Variants in PPHLN1 observed in about 807,000 individuals in gnomAD.
PPHLN1 encodes periphilin 1.
A neutral mutation model predicts 51.3 loss-of-function variants in PPHLN1; 29 were observed. The ratio of observed to expected loss-of-function variants is 0.57; its 90% confidence interval spans 0.42 to 0.77. The LOEUF (loss-of-function observed/expected upper bound fraction) is 0.77, where lower values mean the gene tolerates loss of function less well. Among genes scored for constraint, PPHLN1 ranks in the 30% least tolerant of loss-of-function variants. The pLI is 0.00. For missense variants in PPHLN1, 436 were observed against 438.4 expected, an observed-to-expected ratio of 0.99 and a Z score of 0.05; for synonymous variants, 147 against 147.8, an observed-to-expected ratio of 0.99 and a Z score of 0.04.
chr12:42,342,727 T>C (rs1322008146), intron 2 of PPHLN1, among the ~76,000 whole-genome samples: 3 of 152,220 alleles, frequency 2.0e-5, no homozygotes, highest in African/African-American at 7.2e-5. Context: ...AAATACATTA[T>C]TTTGCATTAA....
At chr12:42,336,353 G>T (rs2070665632) in intron 2 of PPHLN1, among the ~76,000 whole-genome samples, 2 of 151,990 alleles carry the variant, frequency 1.3e-5, no homozygotes, top group African/African-American at 2.4e-5. Context: ...GTTACAAATT[G>T]AATATATGAA....
intron 9 of PPHLN1, chr12:42,433,249 C>T (rs1409497438): frequency 7.0e-6 from 5 of 717,622 alleles, no homozygotes; most frequent in Non-Finnish European, 1.3e-5. Context: ...ACTTCATCTC[C>T]TTCACTAATT....
rs570478049 is a variant in PPHLN1, at chr12:42,407,259, T to C, written c.909+8265T>C. Among the ~76,000 whole-genome samples, 10 of 152,320 alleles carry C rather than the reference T, an allele frequency of 6.6e-5. No homozygotes were observed. The South Asian group carries it at 1.4e-3, about 22-fold the overall frequency. On this transcript the variant is annotated intron_variant, in intron 9 of 9. Transcript: ENST00000358314. ...CCTGTTGAGATCCTGGCTCAGGATATCTCAAGAAGTTGTAGTTCAGCTGGC... is the reference window on the plus strand; with the variant it reads ...CCTGTTGAGATCCTGGCTCAGGATACCTCAAGAAGTTGTAGTTCAGCTGGC...
At chr12:42,392,255 C>T (rs2077793035) in intron 7 of PPHLN1, among the ~76,000 whole-genome samples, 1 of 152,136 alleles carries the variant, frequency 6.6e-6, no homozygotes, top group Non-Finnish European at 1.5e-5. Flanking sequence ...TAAGTCCCAG[C>T]TCAGCATTTA....
chr12:42,347,753 C>G (rs2072581871), intron 2 of PPHLN1, among the ~76,000 whole-genome samples: 1 of 152,178 alleles, frequency 6.6e-6, no homozygotes, highest in African/African-American at 2.4e-5. Flanking sequence ...GCACTGTAGC[C>G]TGTGCCGCAG....
At chr12:42,380,698 C>G (rs557619153) in intron 5 of PPHLN1, among the ~76,000 whole-genome samples, 1 of 152,092 alleles carries the variant, frequency 6.6e-6, no homozygotes, top group African/African-American at 2.4e-5. Context: ...AAATTTAGTT[C>G]TGCTTTTAGG....
At chr12:42,405,829 C>G (rs1421538590) in intron 9 of PPHLN1, among the ~76,000 whole-genome samples, 9 of 152,054 alleles carry the variant, frequency 5.9e-5, no homozygotes, top group Admixed American at 5.9e-4. Context: ...ATGCTAAACT[C>G]TGCTATGTTT....
intron 9 of PPHLN1, among the ~76,000 whole-genome samples, chr12:42,439,340 A>G (rs548226430): frequency 1.3e-5 from 2 of 152,358 alleles, no homozygotes; most frequent in East Asian, 3.9e-4. Flanking sequence ...GTTGAAGACT[A>G]TCTTTTCTCC....
At chr12:42,442,411 C>A (rs923026468), downstream of PPHLN1, among the ~76,000 whole-genome samples, 2 of 152,162 alleles carry the variant, frequency 1.3e-5, no homozygotes, top group African/African-American at 4.8e-5. Context: ...GAAACCAACC[C>A]TTGATCAGTG....
chr12:42,399,752 GC>G (rs1376764803), intron 9 of PPHLN1: 2 of 152,222 alleles, frequency 1.3e-5, no homozygotes, highest in Non-Finnish European at 2.9e-5. Context: ...TGACCGTGTA[GC>G]TTATGTTAAT....
chr12:42,446,133 A>G, downstream of PPHLN1: 3 of 1,577,624 alleles, frequency 1.9e-6, no homozygotes, highest in Non-Finnish European at 2.6e-6. Flanking sequence ...CGGACGACAC[A>G]GCTTCGTCGG....
downstream of PPHLN1, chr12:42,444,364 C>T (rs920012639): frequency 2.7e-5 from 4 of 150,162 alleles, no homozygotes; most frequent in Non-Finnish European, 4.4e-5. Context: ...GCCCTAGACT[C>T]TCCTAGGTAT....
intron 4 of PPHLN1, among the ~76,000 whole-genome samples, chr12:42,358,184 A>G (rs1427951017): frequency 2.6e-5 from 4 of 152,164 alleles, no homozygotes; most frequent in Non-Finnish European, 5.9e-5. Flanking sequence ...TTCAGTTTGT[A>G]AAATAACAGT....
At chr12:42,358,816 C>G (rs887112502) in intron 4 of PPHLN1, among the ~76,000 whole-genome samples, 1 of 151,962 alleles carries the variant, frequency 6.6e-6, no homozygotes, top group Non-Finnish European at 1.5e-5. Flanking sequence ...AATTCTAGTA[C>G]ATAATATTTT....
intron 5 of PPHLN1, among the ~76,000 whole-genome samples, chr12:42,379,137 C>T (rs970448383): frequency 2.0e-5 from 3 of 151,444 alleles, no homozygotes; most frequent in Non-Finnish European, 4.4e-5. Context: ...TGAAATAATC[C>T]CATGTTTTCC....
intron 1 of PPHLN1, among the ~76,000 whole-genome samples, chr12:42,333,903 A>G (rs1449019641): frequency 6.6e-6 from 1 of 152,106 alleles, no homozygotes; most frequent in Non-Finnish European, 1.5e-5. Flanking sequence ...CATCTTCTTT[A>G]TTTTGAAGGA....
At chr12:42,344,826 A>G (rs1472363727) in intron 2 of PPHLN1, among the ~76,000 whole-genome samples, 2 of 150,704 alleles carry the variant, frequency 1.3e-5, no homozygotes, top group Non-Finnish European at 2.9e-5. Flanking sequence ...TTTGTGCCTC[A>G]GCCTCCCATA....
chr12:42,437,886 A>G (rs891216409), intron 9 of PPHLN1, among the ~76,000 whole-genome samples: 1 of 151,994 alleles, frequency 6.6e-6, no homozygotes, highest in African/African-American at 2.4e-5. Context: ...TTTAGTGTCT[A>G]TGGGTTTTTG....
At chr12:42,394,515 A>G (rs2078022258) in intron 8 of PPHLN1, among the ~76,000 whole-genome samples, 1 of 152,146 alleles carries the variant, frequency 6.6e-6, no homozygotes. Context: ...ACTTAACTAC[A>G]TCTTTATACA....
Sources: gnomAD v4.1 joint callset for allele counts (sites outside exome capture counted in the v4.1 genomes callset) on GRCh38, gnomAD v4.1.1 for gene constraint, MANE v1.5 for transcripts, NCBI Gene and HGNC (gene_info 2026-07-23, HGNC 2026-07-21) for gene names.